SH3BP5: variants seen among roughly 807,000 people sequenced by gnomAD.
SH3BP5 encodes SH3 domain-binding protein 5.
SH3BP5 carries 22 observed loss-of-function variants against 43.3 expected under a neutral mutation model. The ratio of observed to expected loss-of-function variants is 0.51; its 90% CI spans 0.36 to 0.73. SH3BP5 has a LOEUF of 0.73. Ranked by LOEUF, SH3BP5 falls within the 30% of genes least tolerant of loss-of-function variation. The probability of loss-of-function intolerance (pLI) is 0.00; values close to 1 mark genes in which losing one functional copy is unlikely to be tolerated. For missense variants in SH3BP5, 529 were observed against 586.9 expected (o/e 0.90, Z 1.02); for synonymous variants, 255 against 225.8 (o/e 1.13, Z -1.16).
chr3:15,269,646 C>T (rs895866786), intron 4 of SH3BP5, 67 bp downstream of exon 4: 1 of 1,460,218 alleles, frequency 6.8e-7, no homozygotes, highest in Non-Finnish European at 9.1e-7. Flanking sequence ...TCTGTTACCT[C>T]CGCTCAGGGG....
intron 3 of SH3BP5, among the ~76,000 whole-genome samples, chr3:15,287,639 G>A (rs963370087): frequency 2.0e-5 from 3 of 152,212 alleles, no homozygotes; most frequent in African/African-American, 7.2e-5. Context: ...AAGCAGCTAT[G>A]TGTGGCTAAT....
intron 2 of SH3BP5, among the ~76,000 whole-genome samples, chr3:15,329,736 G>A (rs1456596274): frequency 6.6e-6 from 1 of 152,218 alleles, no homozygotes; most frequent in Non-Finnish European, 1.5e-5. Context: ...ACTGCGCTGA[G>A]AGTCCCTTTG....
chr3:15,275,768 C>T lies in SH3BP5; in HGVS notation c.331-5891G>A, dbSNP rs546124246. The T allele has an allele frequency of 2.0e-5, 3 of 152,284 alleles. No individual in the cohort carries two copies. The East Asian group carries it at 5.8e-4, about 29-fold the overall frequency. The allele number at this position is 152,284 out of a possible 1,614,324, so 9.4% of individuals were successfully genotyped here. On this transcript the variant is annotated intron_variant, in intron 3 of 8. Coordinates refer to ENST00000383791, the MANE Select transcript of SH3BP5 (RefSeq NM_004844.5). The stretch of plus-strand genomic sequence containing the variant: ...CTGGGCGCAGTAACACACCTGTAAT[C>T]CCAGCACTATGGAAGGCCAAGGCGG...
At chr3:15,256,806 C>T (rs1384127321) in intron 8 of SH3BP5, 47 bp downstream of exon 8, 2 of 1,567,250 alleles carry the variant, frequency 1.3e-6, no homozygotes, top group Non-Finnish European at 1.7e-6. Context: ...AGTCAGGCTA[C>T]AGAGGCAGTG....
intron 5 of SH3BP5, 100 bp from the exon 6 acceptor site, chr3:15,259,903 T>G: frequency 9.4e-7 from 1 of 1,064,476 alleles, no homozygotes; most frequent in South Asian, 1.3e-5. Context: ...ACTGGCCAGG[T>G]CGTCCTTCCA....
chr3:15,270,769 C>T (rs1287469), intron 3 of SH3BP5, among the ~76,000 whole-genome samples: 85,388 of 151,382 alleles, frequency 0.56, 24,372 homozygotes, highest in Non-Finnish European at 0.59. Context: ...CTACTAAAAA[C>T]ACAAAAATTA....
At chr3:15,320,605 A>AACACACACACACACACAC (rs376414934) in intron 2 of SH3BP5, among the ~76,000 whole-genome samples, 13,377 of 126,542 alleles carry the variant, frequency 0.11, 907 homozygotes, top group Middle Eastern at 0.15. Flanking sequence ...ATCCAGCCAA[A>AACACACACACACACACAC]ACACACACAC....
At chr3:15,340,075 A>G (rs573985958) in intron 1 of SH3BP5, among the ~76,000 whole-genome samples, 10 of 152,200 alleles carry the variant, frequency 6.6e-5, no homozygotes, top group African/African-American at 2.4e-4. Flanking sequence ...AACCAAGAAC[A>G]AATCATCTCA....
At chr3:15,316,444 C>T (rs984009018) in intron 2 of SH3BP5, among the ~76,000 whole-genome samples, 14 of 151,888 alleles carry the variant, frequency 9.2e-5, no homozygotes, top group African/African-American at 1.7e-4. Context: ...AGGCTGGTCT[C>T]GAACTCCTGA....
chr3:15,298,643 T>TTGAGG (rs1697646140), intron 3 of SH3BP5, among the ~76,000 whole-genome samples: 1 of 152,234 alleles, frequency 6.6e-6, no homozygotes, highest in Non-Finnish European at 1.5e-5. Context: ...TGACACATGC[T>TTGAGG]ATAACATGGA....
chr3:15,329,438 A>G (rs892637632), intron 2 of SH3BP5, among the ~76,000 whole-genome samples: 2 of 152,222 alleles, frequency 1.3e-5, no homozygotes, highest in Admixed American at 6.5e-5. Context: ...GGAGAAGGAC[A>G]GCCCATGCTC....
chr3:15,337,659 A>G (rs1698716716), intron 1 of SH3BP5, among the ~76,000 whole-genome samples: 1 of 151,998 alleles, frequency 6.6e-6, no homozygotes, highest in South Asian at 2.1e-4. Context: ...TAATCCCAGC[A>G]CTTTGAGAGG....
At chr3:15,273,303 CTT>C (rs1453351974) in intron 3 of SH3BP5, 1 of 985,290 alleles carries the variant, frequency 1.0e-6, no homozygotes, top group African/African-American at 1.7e-5. Context: ...AAAAGATGCT[CTT>C]TTGACGGCCT....
upstream of SH3BP5, among the ~76,000 whole-genome samples, chr3:15,337,150 T>C (rs1297123056): frequency 7.3e-6 from 1 of 137,260 alleles, no homozygotes; most frequent in African/African-American, 2.8e-5. Context: ...AGTGCGGTGG[T>C]GTTAGCTCAC....
rs758042189 is a variant in SH3BP5 at position 15,304,061 on chromosome 3, G to C, written c.330+42C>G. 6 of 1,551,790 alleles carry C rather than the reference G, an allele frequency of 3.9e-6. No individual in the cohort carries two copies. In the South Asian group the frequency reaches 5.6e-5, roughly 14 times the overall value. On this transcript the variant is annotated intron_variant, in intron 3 of 8. Coordinates refer to ENST00000383791, the MANE Select transcript of SH3BP5 (RefSeq NM_004844.5). ...AAGGCACCCTTAAAACTGAGGGGTA[G>C]TGAGGCTCGAGGTAGGGGAGACATC...
At chr3:15,312,345 T>G (rs1158833562) in intron 2 of SH3BP5, among the ~76,000 whole-genome samples, 1 of 152,244 alleles carries the variant, frequency 6.6e-6, no homozygotes, top group East Asian at 1.9e-4. Flanking sequence ...ATTATTTTTG[T>G]TAACATGTAA....
At chr3:15,265,512 T>TCTCACACA (rs1318765546) in intron 4 of SH3BP5, among the ~76,000 whole-genome samples, 30 of 107,988 alleles carry the variant, frequency 2.8e-4, no homozygotes, top group East Asian at 8.7e-4. Context: ...CGAGACTCCG[T>TCTCACACA]CACACACACA....
intron 3 of SH3BP5, among the ~76,000 whole-genome samples, chr3:15,291,671 G>C (rs573577024): frequency 2.6e-5 from 4 of 152,018 alleles, no homozygotes; most frequent in Admixed American, 2.6e-4. Context: ...GTGTAGTTCT[G>C]TCTCTCACAT....
At chr3:15,303,411 T>A (rs1480563046) in intron 3 of SH3BP5, among the ~76,000 whole-genome samples, 1 of 152,126 alleles carries the variant, frequency 6.6e-6, no homozygotes, top group African/African-American at 2.4e-5. Flanking sequence ...ACCTTCCCCA[T>A]TCACAGGGCC....
Sources: allele counts gnomAD v4.1 joint callset (sites outside exome capture counted in the v4.1 genomes callset), GRCh38; gene constraint gnomAD v4.1.1; transcripts MANE v1.5; gene names NCBI Gene and HGNC (gene_info 2026-07-23, HGNC 2026-07-21).